Variants in DYRK1A observed in about 807,000 individuals in gnomAD.
DYRK1A encodes the protein dual specificity tyrosine phosphorylation regulated kinase 1A.
DYRK1A carries 9 observed loss-of-function variants against 79.7 expected under a neutral mutation model. The ratio of observed to expected loss-of-function variants is 0.11; its 90% CI spans 0.07 to 0.20. The LOEUF is 0.20. Among genes scored for constraint, DYRK1A ranks in the 10% least tolerant of loss-of-function variants. The pLI is 1.00. For missense variants in DYRK1A, 622 were observed against 956.0 expected (o/e 0.65, Z 4.61); for synonymous variants, 349 against 329.7 (o/e 1.06, Z -0.63).
At chr21:37,460,340 G>C (rs2051798769) in intron 2 of DYRK1A, among the ~76,000 whole-genome samples, 1 of 152,160 alleles carries the variant, frequency 6.6e-6, no homozygotes. Context: ...TACTTAGAGA[G>C]CTTCTGCTGT....
intron 1 of DYRK1A, among the ~76,000 whole-genome samples, chr21:37,411,605 A>G (rs549174869): frequency 7.2e-5 from 11 of 152,334 alleles, no homozygotes; most frequent in African/African-American, 2.6e-4. Flanking sequence ...CATATGTATT[A>G]GGATTGTGAC....
rs2053901563 is a variant in DYRK1A at position 37,518,329 on chromosome 21, C to G, written c.*5798C>G. 6.6e-6 allele frequency: 1 copy of G among 152,228 alleles called. No homozygotes were observed. The highest frequency in any genetic ancestry group is 1.5e-5 in the Non-Finnish European group (1 of 68,074). The allele number at this position is 152,228 out of a possible 1,614,324, so 9.4% of individuals were successfully genotyped here. On this transcript the variant is annotated 3_prime_UTR_variant, in exon 12 of 12. Coordinates refer to ENST00000647188, the MANE Select transcript of DYRK1A (RefSeq NM_001347721.2). Reference sequence around the variant, plus strand: ...GCACCACTCCCACTTCCATTGCCCGCAAATCCAGGAAAGAAATGACTAATG... The same window carrying G: ...GCACCACTCCCACTTCCATTGCCCGGAAATCCAGGAAAGAAATGACTAATG...
At chr21:37,485,823 C>T (rs776187359) in intron 5 of DYRK1A, among the ~76,000 whole-genome samples, 48 of 152,100 alleles carry the variant, frequency 3.2e-4, no homozygotes, top group Non-Finnish European at 5.0e-4. Context: ...TGCTCATGAA[C>T]GCTGTGCTTT....
At chr21:37,377,205 C>T (rs1045798910) in intron 1 of DYRK1A, among the ~76,000 whole-genome samples, 1 of 152,060 alleles carries the variant, frequency 6.6e-6, no homozygotes, top group Admixed American at 6.6e-5. Flanking sequence ...CTGCAAGCTC[C>T]GCCTCCTGGG....
chr21:37,417,539 T>TCTTTTTCTTTTTCTTTTTTTTTTC (rs1256835886), intron 1 of DYRK1A, among the ~76,000 whole-genome samples: 1 of 109,492 alleles, frequency 9.1e-6, no homozygotes, highest in East Asian at 2.1e-4. Flanking sequence ...CTTTTTTTTT[T>TCTTTTTCTTTTTCTTTTTTTTTTC]TTTTTTTTTT....
intron 1 of DYRK1A, among the ~76,000 whole-genome samples, chr21:37,383,953 A>G (rs1372215312): frequency 1.3e-5 from 2 of 152,286 alleles, no homozygotes; most frequent in South Asian, 4.1e-4. Flanking sequence ...TACTGTAAAC[A>G]TCTAGAAAAC....
At chr21:37,467,118 AAAAC>A (rs1453440924) in intron 2 of DYRK1A, among the ~76,000 whole-genome samples, 1,524 of 138,036 alleles carry the variant, frequency 0.011, 18 homozygotes, top group African/African-American at 0.049. Flanking sequence ...AAAAAAAAAA[AAAAC>A]AAAACAAAAA....
At chr21:37,468,309 G>A (rs922688843) in intron 2 of DYRK1A, among the ~76,000 whole-genome samples, 2 of 151,552 alleles carry the variant, frequency 1.3e-5, no homozygotes, top group Admixed American at 6.6e-5. Flanking sequence ...AGGTGGTGGT[G>A]TGTTTCCCAG....
chr21:37,436,563 T>C (rs2050931245), intron 2 of DYRK1A, among the ~76,000 whole-genome samples: 1 of 152,214 alleles, frequency 6.6e-6, no homozygotes, highest in African/African-American at 2.4e-5. Context: ...CCCTAAAGCA[T>C]TGAAACACGG....
intron 9 of DYRK1A, chr21:37,504,792 T>C (rs2053546876): frequency 6.5e-6 from 1 of 154,568 alleles, no homozygotes; most frequent in African/African-American, 2.4e-5. Flanking sequence ...TTGCCATAGC[T>C]TTCTTGGGCT....
Position 37,420,160 on chromosome 21 carries a change from A to G in DYRK1A, c.-76-139A>G, listed in dbSNP as rs1214966754. Reference sequence around the variant, plus strand: ...AAGACTAAGGAAAATTTAAGTTTGAATGTTAGAAAATGAATTTTGCAAATT... The same window carrying G: ...AAGACTAAGGAAAATTTAAGTTTGAGTGTTAGAAAATGAATTTTGCAAATT... On this transcript the variant is annotated intron_variant, in intron 1 of 11. Transcript: ENST00000647188. 8.1e-6 allele frequency: 3 copies of G among 369,236 alleles called. No homozygotes were observed. In the East Asian group the frequency reaches 1.2e-4, roughly 14 times the overall value. 22.9% of individuals were successfully genotyped at this position (369,236 alleles called of 1,614,324 possible). A position where few individuals can be genotyped will look rare whatever the true frequency, so the allele number is the denominator to read the frequency against.
chr21:37,497,267 A>G (rs893038712), intron 9 of DYRK1A, among the ~76,000 whole-genome samples: 14 of 152,220 alleles, frequency 9.2e-5, no homozygotes, highest in Admixed American at 5.2e-4. Flanking sequence ...TTTCTTTAGA[A>G]TATTTAAAAG....
Position 37,512,379 on chromosome 21 carries a change from A to G in DYRK1A, c.2113A>G (p.Ile705Val), listed in dbSNP as rs554691724. The change falls in exon 12 of 12, where the codon ATA (isoleucine) becomes GTA (valine). Residue 705 changes from isoleucine to valine, a missense_variant. Ile to Val is a conservative substitution (Grantham distance 29). Coordinates refer to ENST00000647188, the MANE Select transcript of DYRK1A (RefSeq NM_001347721.2). ...CTCCAATCCCCGCCAAGAGACTGGC[A>G]TAGCTGGACATCCAACATACCAATT... ...VYSNPRQETG[I>V]AGHPTYQFSA... is the part of the protein sequence containing the mutation. The G allele has an allele frequency of 6.8e-6, 11 of 1,614,248 alleles. No homozygotes were observed. The highest frequency in any genetic ancestry group is 9.3e-6 in the Non-Finnish European group (11 of 1,180,042).
intron 9 of DYRK1A, chr21:37,503,588 G>C (rs2053514261): frequency 6.6e-6 from 1 of 152,068 alleles, no homozygotes; most frequent in Non-Finnish European, 1.5e-5. Flanking sequence ...ACCATACCCA[G>C]CTATTAAAAT....
intron 2 of DYRK1A, among the ~76,000 whole-genome samples, chr21:37,454,085 C>CTT (rs571859735): frequency 0.011 from 650 of 59,600 alleles, 75 homozygotes; most frequent in African/African-American, 0.029. Flanking sequence ...ATGTAGTCTC[C>CTT]TTTTTTTTTT....
chr21:37,421,182 T>C (rs943085107), intron 2 of DYRK1A, among the ~76,000 whole-genome samples: 10 of 152,102 alleles, frequency 6.6e-5, no homozygotes, highest in Non-Finnish European at 1.2e-4. Context: ...CAGAGAGCCT[T>C]ATTTGATTAT....
chr21:37,410,333 A>C (rs1271356551), intron 1 of DYRK1A, among the ~76,000 whole-genome samples: 1 of 152,238 alleles, frequency 6.6e-6, no homozygotes, highest in Non-Finnish European at 1.5e-5. Context: ...GTAGCAAAAA[A>C]CAGTGTGAAC....
chr21:37,467,310 C>T (rs1569349379), intron 2 of DYRK1A, among the ~76,000 whole-genome samples: 1 of 152,118 alleles, frequency 6.6e-6, no homozygotes, highest in African/African-American at 2.4e-5. Flanking sequence ...GCTCACTGCA[C>T]CCTCCTCCTC....
intron 1 of DYRK1A, among the ~76,000 whole-genome samples, chr21:37,411,298 G>T (rs1295315100): frequency 1.3e-5 from 2 of 152,064 alleles, no homozygotes; most frequent in South Asian, 4.2e-4. Context: ...GGAGGTTGCA[G>T]TGAGCTGAGA....
Sources: gnomAD v4.1 joint callset for allele counts (sites outside exome capture counted in the v4.1 genomes callset) on GRCh38, gnomAD v4.1.1 for gene constraint, MANE v1.5 for transcripts, NCBI Gene and HGNC (gene_info 2026-07-23, HGNC 2026-07-21) for gene names.